Variants in ENTREP2 observed in about 807,000 individuals in gnomAD.
The protein encoded by ENTREP2 is endosomal transmembrane epsin interactor 2.
the ENTREP2 span, among the ~76,000 whole-genome samples, chr15:29,648,185 A>T: frequency 6.6e-6 from 1 of 152,206 alleles, no homozygotes; most frequent in African/African-American, 2.4e-5. Context: ...GCTTTAGCTC[A>T]ACAACATGGG....
At chr15:29,552,056 C>A in the ENTREP2 span, among the ~76,000 whole-genome samples, 1 of 152,160 alleles carries the variant, frequency 6.6e-6, no homozygotes, top group Non-Finnish European at 1.5e-5. Flanking sequence ...GTCAAAGGAA[C>A]AGTCTCCTAA....
chr15:29,590,700 A>G, the ENTREP2 span, among the ~76,000 whole-genome samples: 97 of 150,080 alleles, frequency 6.5e-4, no homozygotes, highest in South Asian at 0.019. Flanking sequence ...AAAAAAAAAA[A>G]AAAAGAAAAA....
chr15:29,583,962 T>C, the ENTREP2 span, among the ~76,000 whole-genome samples: 4 of 152,184 alleles, frequency 2.6e-5, no homozygotes, highest in Non-Finnish European at 5.9e-5. Context: ...TACATGTACT[T>C]GACCCTGGAT....
the ENTREP2 span, among the ~76,000 whole-genome samples, chr15:29,499,148 T>C: frequency 6.6e-6 from 1 of 152,172 alleles, no homozygotes; most frequent in South Asian, 2.1e-4. Flanking sequence ...TTCAAGGTAA[T>C]TATTGATAAG....
the ENTREP2 span, among the ~76,000 whole-genome samples, chr15:29,314,765 T>C: frequency 6.6e-6 from 1 of 152,084 alleles, no homozygotes; most frequent in East Asian, 1.9e-4. Flanking sequence ...GAAAATGTAA[T>C]AGAAGGCCAG....
At chr15:29,618,816 C>A in the ENTREP2 span, among the ~76,000 whole-genome samples, 1 of 152,184 alleles carries the variant, frequency 6.6e-6, no homozygotes, top group Admixed American at 6.5e-5. Context: ...TTAGGAGAGA[C>A]ACACAGGAGG....
At chr15:29,181,010 T>A in the ENTREP2 span, among the ~76,000 whole-genome samples, 2 of 151,688 alleles carry the variant, frequency 1.3e-5, no homozygotes, top group South Asian at 2.1e-4. Flanking sequence ...GATCAATAAA[T>A]ATTAAGCTGG....
chr15:29,202,976 T>C, the ENTREP2 span, among the ~76,000 whole-genome samples: 1 of 152,340 alleles, frequency 6.6e-6, no homozygotes, highest in South Asian at 2.1e-4. Flanking sequence ...GGCAGAATGA[T>C]TTATAATCCT....
At chr15:29,126,376 A>AG in the ENTREP2 span, 1 of 1,544,578 alleles carries the variant, frequency 6.5e-7, no homozygotes, top group African/African-American at 1.4e-5. Context: ...ACACATGGCC[A>AG]GGGGGAAGGG....
At chr15:29,264,503 G>A in the ENTREP2 span, among the ~76,000 whole-genome samples, 1 of 152,148 alleles carries the variant, frequency 6.6e-6, no homozygotes, top group African/African-American at 2.4e-5. Context: ...TGTGCCACCT[G>A]ATAGGATCCA....
the ENTREP2 span, among the ~76,000 whole-genome samples, chr15:29,520,598 G>T: frequency 6.6e-6 from 1 of 151,300 alleles, no homozygotes; most frequent in Non-Finnish European, 1.5e-5. Flanking sequence ...AAAAAAATTA[G>T]AAGAATAAAA....
the ENTREP2 span, among the ~76,000 whole-genome samples, chr15:29,159,453 T>G: frequency 1.3e-5 from 2 of 152,234 alleles, no homozygotes; most frequent in African/African-American, 4.8e-5. Flanking sequence ...GCCGGGTTGC[T>G]ACTGCTAGCT....
chr15:29,123,336 C>T, the ENTREP2 span: 1 of 1,510,296 alleles, frequency 6.6e-7, no homozygotes, highest in Admixed American at 2.1e-5. Context: ...AAATGTGGCT[C>T]CTTCATACCT....
At chr15:29,375,436 C>A in the ENTREP2 span, 1 of 152,328 alleles carries the variant, frequency 6.6e-6, no homozygotes, top group Non-Finnish European at 1.5e-5. Context: ...CTCTCTGGCA[C>A]TTTGTTCTGC....
At chr15:29,570,947 C>T in the ENTREP2 span, among the ~76,000 whole-genome samples, 1 of 144,718 alleles carries the variant, frequency 6.9e-6, no homozygotes, top group Non-Finnish European at 1.5e-5. Flanking sequence ...GCCGCCGCGC[C>T]GCCCGCCCGC....
At chr15:29,245,927 C>A in the ENTREP2 span, among the ~76,000 whole-genome samples, 4 of 152,214 alleles carry the variant, frequency 2.6e-5, no homozygotes, top group Non-Finnish European at 5.9e-5. Flanking sequence ...GAATAAGATT[C>A]TAAATTTAAA....
At chr15:29,640,913 G>A in the ENTREP2 span, among the ~76,000 whole-genome samples, 1 of 152,116 alleles carries the variant, frequency 6.6e-6, no homozygotes, top group Admixed American at 6.5e-5. Context: ...GAGTACAGAT[G>A]CAAAAATTCT....
chr15:29,207,430 C>G, the ENTREP2 span, among the ~76,000 whole-genome samples: 1 of 124,818 alleles, frequency 8.0e-6, no homozygotes. Flanking sequence ...CTCCTACGAG[C>G]GGTGTGCCGC....
chr15:29,247,149 A>G, the ENTREP2 span, among the ~76,000 whole-genome samples: 1 of 152,334 alleles, frequency 6.6e-6, no homozygotes, highest in Admixed American at 6.5e-5. Context: ...ATCACCACAC[A>G]AACATATGGA....
Sources: allele counts gnomAD v4.1 joint callset (sites outside exome capture counted in the v4.1 genomes callset), GRCh38; gene constraint gnomAD v4.1.1; transcripts MANE v1.5; gene names NCBI Gene and HGNC (gene_info 2026-07-23, HGNC 2026-07-21).